The following SHOX variants were observed in gnomAD, a reference collection of about 807,000 sequenced individuals.
The protein encoded by SHOX is SHOX homeobox.
In SHOX, 12 loss-of-function variants were observed where a neutral mutation model predicts 29.6. The observed-to-expected ratio is 0.41, with a 90% CI of 0.26 to 0.66. SHOX has a LOEUF of 0.66. Ranked by LOEUF, SHOX falls within the 30% of genes least tolerant of loss-of-function variation. The pLI, the probability that SHOX is intolerant of heterozygous loss-of-function variation, is 0.35. For synonymous variants in SHOX, 214 were observed against 200.6 expected, an observed-to-expected ratio of 1.07 and a Z score of -0.57; for missense variants, 499 against 437.7, an observed-to-expected ratio of 1.14 and a Z score of -1.25.
chrX:651,780 A>G, downstream of SHOX, among the ~76,000 whole-genome samples: 1 of 151,530 alleles, frequency 6.6e-6, no homozygotes, highest in Admixed American at 6.6e-5. Flanking sequence ...TTTTGCTTGT[A>G]TCCCATCCCC....
upstream of SHOX, chrX:630,733 G>T: frequency 1.2e-6 from 1 of 839,140 alleles, no homozygotes; most frequent in South Asian, 1.6e-5. Flanking sequence ...GACAGGCAGC[G>T]CATGGGGGGC....
chrX:644,517 G>T lies in SHOX; in HGVS notation c.760G>T (p.Ala254Ser). 6.6e-7 allele frequency: 1 copy of T among 1,519,402 alleles called. No homozygotes were observed. Among genetic ancestry groups the T allele is most frequent in the African/African-American group, 1.4e-5 (1 of 70,608 alleles). The allele number at this position is 1,519,402 out of a possible 1,614,324, so 94.1% of individuals were successfully genotyped here. Residue 254 changes from alanine (A) to serine (S), a missense_variant, in exon 5 of 5, where the codon GCC becomes TCC. Transcript: ENST00000686671. ...PPFGLPIASL[A>S]ESASAAAVVA... ...CTTCGGGCTGCCCATCGCGTCGCTGGCCGAGTCCGCCTCGGCCGCCGCCGT... is the reference window on the plus strand; with the variant it reads ...CTTCGGGCTGCCCATCGCGTCGCTGTCCGAGTCCGCCTCGGCCGCCGCCGT...
At chrX:627,528 G>C (rs1254034324), upstream of SHOX, among the ~76,000 whole-genome samples, 1 of 152,206 alleles carries the variant, frequency 6.6e-6, no homozygotes, top group Non-Finnish European at 1.5e-5. Context: ...TAGGAAAAGC[G>C]GGGTGTTGGA....
Position 651,364 on chromosome X carries a change from T to C in SHOX, c.*6728T>C, listed in dbSNP as rs1180270100. On this transcript the variant is annotated 3_prime_UTR_variant, in exon 5 of 5. Transcript: ENST00000686671. The stretch of plus-strand genomic sequence containing the variant: ...AGTCTTCACATTTCTATCCCTCTGT[T>C]ATTGTCGGCAGGCGGTGAGGGGTAG... The C allele has an allele frequency of 2.2e-6, 1 of 454,858 alleles. No homozygotes were observed. The highest frequency in any genetic ancestry group is 4.4e-6 in the Non-Finnish European group (1 of 226,672). The allele number at this position is 454,858 out of a possible 1,614,324, so 28.2% of individuals were successfully genotyped here.
chrX:635,888 G>A (rs1007623437), intron 2 of SHOX, among the ~76,000 whole-genome samples: 1 of 149,650 alleles, frequency 6.7e-6, no homozygotes, highest in Non-Finnish European at 1.5e-5. Flanking sequence ...GAGAGAGACG[G>A]TCAGGATCCC....
intron 1 of SHOX, among the ~76,000 whole-genome samples, chrX:633,947 AGAT>A (rs1244777187): frequency 6.6e-6 from 1 of 152,202 alleles, no homozygotes; most frequent in African/African-American, 2.4e-5. Flanking sequence ...CAACTACTGG[AGAT>A]GAGAAAGTGC....
In SHOX at chrX:649,961, T is replaced by C. The variant is rs1408810264; in HGVS notation, c.*5325T>C. On this transcript the variant is annotated 3_prime_UTR_variant, in exon 5 of 5. Transcript: ENST00000686671. ...GCGAAGCACCCACAGGGAGAAGGAA[T>C]TGGATGTATCGGATGTTGCTATTAG... is the stretch of plus-strand genomic sequence containing the variant. 11 of 455,940 alleles carry C rather than the reference T, an allele frequency of 2.4e-5. No homozygotes were observed. The highest frequency in any genetic ancestry group is 1.5e-4 in the South Asian group (10 of 64,562). 28.2% of individuals were successfully genotyped at this position (455,940 alleles called of 1,614,324 possible). A position where few individuals can be genotyped will look rare whatever the true frequency, so the allele number is the denominator to read the frequency against.
At chrX:632,871 C>T (rs1477535723) in intron 1 of SHOX, among the ~76,000 whole-genome samples, 2 of 152,098 alleles carry the variant, frequency 1.3e-5, no homozygotes, top group African/African-American at 4.8e-5. Flanking sequence ...GGGTTCGCAG[C>T]GCCCGGCGGC....
chrX:641,182 C>CT, intron 4 of SHOX, 95 bp downstream of exon 4: 1 of 1,186,282 alleles, frequency 8.4e-7, no homozygotes. Flanking sequence ...CTCCTAGTCC[C>CT]TCCCTGCCCC....
chrX:629,096 T>C (rs1223810434), upstream of SHOX, among the ~76,000 whole-genome samples: 1 of 141,338 alleles, frequency 7.1e-6, no homozygotes, highest in Non-Finnish European at 1.5e-5. Context: ...TCCATCTCTC[T>C]CTGTCTCTCC....
At chrX:631,526 CT>C (rs913755243) in intron 1 of SHOX, among the ~76,000 whole-genome samples, 5 of 136,630 alleles carry the variant, frequency 3.7e-5, no homozygotes, top group African/African-American at 5.2e-5. Flanking sequence ...CTTTCCTTTC[CT>C]TTTTTTGTTT....
At position 633,911 on chromosome X, in the gene SHOX, TCC is replaced by T. The variant is rs1012994719; in HGVS notation, c.278-703_278-702del. Among the ~76,000 whole-genome samples, 38 of 152,144 alleles carry T rather than the reference TCC, an allele frequency of 2.5e-4. 1 individual carries two copies. Among genetic ancestry groups the T allele is most frequent in the African/African-American group, 8.9e-4 (37 of 41,504 alleles). On this transcript the variant is annotated intron_variant, in intron 1 of 4. Transcript: ENST00000686671. ...GGGCTGAGTCTTCTGCCCTTCTGAC[TCC>T]CCCAGCAAATACAGACAGGTCACCA...
chrX:624,898 CTTTCTCTCTTCCTTT>C lies in SHOX; in HGVS notation c.-433+297_-433+311del, dbSNP rs1569491689. 9.1e-4 allele frequency among the ~76,000 whole-genome samples: 64 copies of C among 70,214 alleles called. 1 individual carries two copies. The highest frequency in any genetic ancestry group is 7.6e-3 in the Middle Eastern group (1 of 132). The allele number at this position is 70,214 out of a possible 152,430, so 46.1% of individuals were successfully genotyped here. Reference sequence around the variant, plus strand: ...TCTTTCTTTCTTTCTTTCTTTCTTTCTTTCTCTCTTCCTTTCTTTCTTTCTTTCTTTCTTTTCTTT... The same window carrying C: ...TCTTTCTTTCTTTCTTTCTTTCTTTCCTTTCTTTCTTTCTTTCTTTTCTTT... On this transcript the variant is annotated intron_variant, in intron 1 of 5. Transcript: ENST00000334060.
At chrX:635,638 G>A (rs1446679067) in intron 2 of SHOX, among the ~76,000 whole-genome samples, 16 of 152,318 alleles carry the variant, frequency 1.1e-4, no homozygotes, top group South Asian at 4.1e-4. Flanking sequence ...CCAGGCACTG[G>A]GGGGCGGAGG....
At chrX:634,854 GC>G in intron 2 of SHOX, 28 bp downstream of exon 2, 1 of 1,545,558 alleles carries the variant, frequency 6.5e-7, no homozygotes, top group Non-Finnish European at 8.7e-7. Flanking sequence ...GGGGCGGGGG[GC>G]CCGGAGCCAT....
rs1186232756 is a variant in SHOX, at chrX:640,859, A to G, written c.525A>G (p.Gln175=). ...ACCGGAGAGCCAAGTGCCGCAAACA[A>G]GAGAATCAGATGCATAAAGGTGGGT... is the stretch of plus-strand genomic sequence containing the variant. ...FQNRRAKCRK[Q]ENQMHKGVIL... Residue 175 remains glutamine, a synonymous_variant, in exon 3 of 5, where the codon CAA becomes CAG. Transcript: ENST00000686671. 3 of 1,613,750 alleles carry G rather than the reference A, an allele frequency of 1.9e-6. No homozygotes were observed. Among genetic ancestry groups the G allele is most frequent in the Admixed American group, 3.3e-5 (2 of 59,978 alleles).
At chrX:628,043 C>T (rs183243094), upstream of SHOX, among the ~76,000 whole-genome samples, 781 of 152,048 alleles carry the variant, frequency 5.1e-3, 2 homozygotes, top group Non-Finnish European at 7.7e-3. Flanking sequence ...TCCGAATCTC[C>T]CTCTCTGTCT....
upstream of SHOX, chrX:630,650 G>GC: frequency 3.3e-6 from 2 of 601,918 alleles, no homozygotes; most frequent in Middle Eastern, 4.4e-4. Context: ...CCAATTGCCG[G>GC]CCTGGGGGGT....
rs1211116385 is a variant in SHOX at position 646,728 on chromosome X, G to A, written c.*2092G>A. The A allele has an allele frequency of 2.6e-5, 4 of 151,240 alleles. No individual in the cohort carries two copies. The highest frequency in any genetic ancestry group is 9.7e-5 in the African/African-American group (4 of 41,074). 9.4% of individuals were successfully genotyped at this position (151,240 alleles called of 1,614,324 possible). A position where few individuals can be genotyped will look rare whatever the true frequency, so the allele number is the denominator to read the frequency against. On this transcript the variant is annotated 3_prime_UTR_variant, in exon 5 of 5. Coordinates refer to ENST00000686671, the MANE Select transcript of SHOX (RefSeq NM_000451.4). ...GTAAAATGACGGAGAGAGAGAGAAA[G>A]AATCCCAGACATTAACGGTATTAGA...
Sources: allele counts gnomAD v4.1 joint callset (sites outside exome capture counted in the v4.1 genomes callset), GRCh38; gene constraint gnomAD v4.1.1; transcripts MANE v1.5; gene names NCBI Gene and HGNC (gene_info 2026-07-23, HGNC 2026-07-21).